CFAP20DC: variants seen among roughly 807,000 people sequenced by gnomAD.
The protein encoded by CFAP20DC is CFAP20 domain containing, also known as protein CFAP20DC.
CFAP20DC carries 84 observed loss-of-function variants against 101.7 expected under a neutral mutation model. The observed-to-expected ratio is 0.83, with a 90% confidence interval of 0.69 to 0.99. CFAP20DC has a LOEUF of 0.99. CFAP20DC is among the 50% of genes least tolerant of loss of function. The pLI is 0.00. For missense variants in CFAP20DC, 1,007 were observed against 970.3 expected, an observed-to-expected ratio of 1.04 and a Z score of -0.50; for synonymous variants, 359 against 351.2, an observed-to-expected ratio of 1.02 and a Z score of -0.25.
chr3:58,977,403 G>T (rs549146519), intron 4 of CFAP20DC, among the ~76,000 whole-genome samples: 1 of 152,284 alleles, frequency 6.6e-6, no homozygotes, highest in Non-Finnish European at 1.5e-5. Context: ...AGAATTAAAG[G>T]ATATAAATTA....
At chr3:58,828,736 A>G (rs1288377012) in intron 14 of CFAP20DC, among the ~76,000 whole-genome samples, 4 of 152,150 alleles carry the variant, frequency 2.6e-5, no homozygotes, top group Middle Eastern at 3.2e-3. Flanking sequence ...TTTGTACCCC[A>G]GTCTTCAGTA....
At chr3:58,811,911 T>G (rs921519175) in intron 14 of CFAP20DC, among the ~76,000 whole-genome samples, 1 of 152,078 alleles carries the variant, frequency 6.6e-6, no homozygotes, top group Admixed American at 6.6e-5. Flanking sequence ...GAACAGACAC[T>G]TCTCAAAAGA....
intron 15 of CFAP20DC, 120 bp from the exon 16 acceptor site, chr3:58,753,983 T>A: frequency 1.6e-6 from 1 of 637,424 alleles, no homozygotes; most frequent in South Asian, 2.3e-5. Flanking sequence ...CTCCTTCATA[T>A]TTCAGAAAGA....
chr3:58,961,146 A>G (rs1226569305), intron 4 of CFAP20DC, among the ~76,000 whole-genome samples: 5 of 152,182 alleles, frequency 3.3e-5, no homozygotes, highest in African/African-American at 4.8e-5. Flanking sequence ...TTGTTTTCTA[A>G]TATTTTTGTT....
At chr3:59,025,009 TG>T (rs1216028281) in intron 4 of CFAP20DC, among the ~76,000 whole-genome samples, 1 of 152,162 alleles carries the variant, frequency 6.6e-6, no homozygotes. Context: ...ACAGGGGCAG[TG>T]GAAAATGAGA....
intron 4 of CFAP20DC, among the ~76,000 whole-genome samples, chr3:58,967,973 G>C (rs374909988): frequency 2.0e-5 from 3 of 152,280 alleles, no homozygotes; most frequent in South Asian, 4.1e-4. Context: ...TTAGTTTTCT[G>C]TTCCTGTGAT....
intron 15 of CFAP20DC, among the ~76,000 whole-genome samples, chr3:58,768,743 C>T (rs1221983815): frequency 6.6e-6 from 1 of 152,200 alleles, no homozygotes; most frequent in Non-Finnish European, 1.5e-5. Context: ...CCCTTACAGT[C>T]ACCACCACAC....
In CFAP20DC at chr3:59,007,786, C is replaced by G. The variant is rs1307222226; in HGVS notation, c.278+31771G>C. 1.3e-5 allele frequency among the ~76,000 whole-genome samples: 2 copies of G among 152,178 alleles called. No homozygotes were observed. The highest frequency in any genetic ancestry group is 2.9e-5 in the Non-Finnish European group (2 of 68,038). On this transcript the variant is annotated intron_variant, in intron 4 of 16. Transcript: ENST00000482387. This position sits in a 1 kb window ranked among gnomAD's most constrained non-coding sequence, Gnocchi z 4.4. ...CAGTAACAATCACTGAAGTACAGCT[C>G]TCAGGAAGCCTCATCCCTAGGGGAA... is the stretch of plus-strand genomic sequence containing the variant.
chr3:58,942,002 G>A (rs1305078812), intron 4 of CFAP20DC, among the ~76,000 whole-genome samples: 2 of 152,184 alleles, frequency 1.3e-5, no homozygotes, highest in African/African-American at 4.8e-5. Flanking sequence ...ATGTTAGAGC[G>A]TAGTTTACTT....
chr3:58,764,897 C>T (rs1033653187), intron 15 of CFAP20DC, among the ~76,000 whole-genome samples: 1 of 152,118 alleles, frequency 6.6e-6, no homozygotes, highest in African/African-American at 2.4e-5. Flanking sequence ...ATATTGAGTA[C>T]TCTGCAAGAA....
At chr3:58,946,761 C>T (rs2089425575) in intron 4 of CFAP20DC, among the ~76,000 whole-genome samples, 1 of 152,088 alleles carries the variant, frequency 6.6e-6, no homozygotes, top group South Asian at 2.1e-4. Flanking sequence ...AGATTGGTTG[C>T]TGGGAGTTTT....
chr3:59,022,582 A>T (rs896346857), intron 4 of CFAP20DC, among the ~76,000 whole-genome samples: 2 of 152,142 alleles, frequency 1.3e-5, no homozygotes, highest in African/African-American at 4.8e-5. Context: ...CCTTAAAAAA[A>T]AGAGAATGGT....
rs115038093 is a variant in CFAP20DC, at chr3:58,906,098, G to T, written c.550+7610C>A. 2.8e-3 allele frequency among the ~76,000 whole-genome samples: 427 copies of T among 152,160 alleles called. 4 individuals carry two copies. The highest frequency in any genetic ancestry group is 9.9e-3 in the African/African-American group (412 of 41,498). ...TCCTACATATAAAATGGTGATAATGGCAACATCCATCTCACAGAGTTGTTA... is the reference window on the plus strand; with the variant it reads ...TCCTACATATAAAATGGTGATAATGTCAACATCCATCTCACAGAGTTGTTA... On this transcript the variant is annotated intron_variant, in intron 6 of 16. Transcript: ENST00000482387.
chr3:58,984,681 A>C (rs2108544113), intron 4 of CFAP20DC, among the ~76,000 whole-genome samples: 1 of 152,352 alleles, frequency 6.6e-6, no homozygotes. Flanking sequence ...ATTAGCATTA[A>C]AACAAAATCT....
intron 13 of CFAP20DC, among the ~76,000 whole-genome samples, chr3:58,833,101 G>GA (rs978700953): frequency 6.6e-6 from 1 of 151,924 alleles, no homozygotes; most frequent in East Asian, 1.9e-4. Flanking sequence ...ACATAATTTT[G>GA]AAAAAAATTC....
chr3:58,994,807 CT>C (rs1417869535), intron 4 of CFAP20DC, among the ~76,000 whole-genome samples: 6 of 151,390 alleles, frequency 4.0e-5, no homozygotes. Context: ...GTTTCAATGA[CT>C]TTGCTCGGGT....
intron 12 of CFAP20DC, among the ~76,000 whole-genome samples, chr3:58,860,350 G>C (rs1305678551): frequency 2.6e-5 from 4 of 152,084 alleles, no homozygotes; most frequent in Admixed American, 2.6e-4. Context: ...AAGAAAGCTG[G>C]GAGGGTGGAC....
In CFAP20DC at chr3:58,920,736, T is replaced by C. The variant is rs570511329; in HGVS notation, c.394-6872A>G. On this transcript the variant is annotated intron_variant, in intron 5 of 16. Transcript: ENST00000482387. ...ATATGTCCACGTTCATGAGGGATAC[T>C]GATTTATAGCTCTTTTGAGAACTTT... Among the ~76,000 whole-genome samples the C allele has an allele frequency of 1.4e-3, 220 of 152,344 alleles. 6 individuals carry two copies. The South Asian group carries it at 0.042, about 29-fold the overall frequency.
chr3:59,029,648 G>C (rs969986039), intron 4 of CFAP20DC, among the ~76,000 whole-genome samples: 2 of 152,094 alleles, frequency 1.3e-5, no homozygotes, highest in Non-Finnish European at 2.9e-5. Flanking sequence ...CTGTGAATTG[G>C]GAGTTTATCC....
Sources: gnomAD v4.1 joint callset for allele counts (sites outside exome capture counted in the v4.1 genomes callset) on GRCh38, gnomAD v4.1.1 for gene constraint, Gnocchi (gnomAD v3.1) non-coding constraint, MANE v1.5 for transcripts, NCBI Gene and HGNC (gene_info 2026-07-23, HGNC 2026-07-21) for gene names.